LCLAT1: variants seen among roughly 807,000 people sequenced by gnomAD.
LCLAT1 encodes lysocardiolipin acyltransferase 1, also known as 1-AGP acyltransferase 8.
A neutral mutation model predicts 30.7 loss-of-function variants in LCLAT1; 11 were observed. That is an observed-to-expected ratio of 0.36 (90% CI 0.23 to 0.59). The LOEUF (loss-of-function observed/expected upper bound fraction) is 0.59, where lower values mean the gene tolerates loss of function less well. Among genes scored for constraint, LCLAT1 ranks in the 20% least tolerant of loss-of-function variants. The pLI, the probability that LCLAT1 is intolerant of heterozygous loss-of-function variation, is 0.77. For missense variants in LCLAT1, 402 were observed against 458.6 expected, an observed-to-expected ratio of 0.88 and a Z score of 1.13; for synonymous variants, 155 against 151.3, an observed-to-expected ratio of 1.02 and a Z score of -0.18.
At chr2:30,552,654 G>C in intron 3 of LCLAT1, 2 of 305,116 alleles carry the variant, frequency 6.6e-6, no homozygotes, top group South Asian at 5.3e-5. Flanking sequence ...TGTAATGTGA[G>C]TTCAGAAAAG....
At chr2:30,466,877 G>T (rs1682461085) in intron 1 of LCLAT1, among the ~76,000 whole-genome samples, 1 of 152,076 alleles carries the variant, frequency 6.6e-6, no homozygotes, top group South Asian at 2.1e-4. Context: ...AGGGTTGTTT[G>T]TTTTGAATTA....
At chr2:30,488,532 A>G (rs1192658830) in intron 1 of LCLAT1, among the ~76,000 whole-genome samples, 5 of 152,230 alleles carry the variant, frequency 3.3e-5, no homozygotes, top group East Asian at 1.9e-4. Flanking sequence ...AATGGTTTAT[A>G]TTCAAAACAG....
chr2:30,509,148 T>C (rs557292134), intron 1 of LCLAT1, among the ~76,000 whole-genome samples: 78 of 152,314 alleles, frequency 5.1e-4, no homozygotes, highest in African/African-American at 1.9e-3. Flanking sequence ...AAGTTGTTTA[T>C]CAGCTTAAGG....
chr2:30,459,753 GGT>G, intron 1 of LCLAT1: 8 of 1,479,488 alleles, frequency 5.4e-6, no homozygotes, highest in Non-Finnish European at 7.6e-6. Context: ...AGATGCTTGA[GGT>G]TTTTGTCTTG....
intron 5 of LCLAT1, among the ~76,000 whole-genome samples, chr2:30,585,199 G>T (rs187432145): frequency 6.6e-6 from 1 of 151,786 alleles, no homozygotes; most frequent in African/African-American, 2.4e-5. Flanking sequence ...CCTCTCAAGC[G>T]CTGTTCATTT....
chr2:30,602,939 T>C (rs781303101), intron 5 of LCLAT1, among the ~76,000 whole-genome samples: 1 of 152,156 alleles, frequency 6.6e-6, no homozygotes, highest in Non-Finnish European at 1.5e-5. Flanking sequence ...GGAACAGTAA[T>C]TTACAGCATG....
chr2:30,639,396 A>G (rs1451513133), intron 5 of LCLAT1, among the ~76,000 whole-genome samples: 1 of 39,776 alleles, frequency 2.5e-5, no homozygotes, highest in African/African-American at 1.3e-4. Context: ...AAGTGAAAAC[A>G]CTTTACCCCC....
intron 3 of LCLAT1, among the ~76,000 whole-genome samples, chr2:30,555,077 G>A (rs958565637): frequency 1.3e-5 from 2 of 152,064 alleles, no homozygotes; most frequent in African/African-American, 4.8e-5. Flanking sequence ...AAAACTATGG[G>A]TGAAGAGAAA....
chr2:30,467,562 A>G (rs1026356342), intron 1 of LCLAT1, among the ~76,000 whole-genome samples: 5 of 152,310 alleles, frequency 3.3e-5, no homozygotes, highest in African/African-American at 1.2e-4. Context: ...CAGCAGTGTA[A>G]AAGTGTTCCT....
At chr2:30,584,131 T>A (rs1666326903) in intron 5 of LCLAT1, among the ~76,000 whole-genome samples, 1 of 152,164 alleles carries the variant, frequency 6.6e-6, no homozygotes, top group Admixed American at 6.5e-5. Context: ...AGTGTTTGTT[T>A]TTATTTCTAT....
chr2:30,553,489 T>C (rs1018333109), intron 3 of LCLAT1, among the ~76,000 whole-genome samples: 2 of 152,198 alleles, frequency 1.3e-5, no homozygotes, highest in African/African-American at 4.8e-5. Flanking sequence ...AAATTCAGGT[T>C]AAAGACAGAA....
intron 5 of LCLAT1, among the ~76,000 whole-genome samples, chr2:30,573,713 C>T (rs1665880186): frequency 6.6e-6 from 1 of 152,160 alleles, no homozygotes; most frequent in South Asian, 2.1e-4. Flanking sequence ...TATATGAATG[C>T]TTTTCCTACT....
chr2:30,602,040 T>G (rs779989919), intron 5 of LCLAT1, among the ~76,000 whole-genome samples: 1 of 152,084 alleles, frequency 6.6e-6, no homozygotes, highest in South Asian at 2.1e-4. Flanking sequence ...TGACAGACTT[T>G]CCTTTTGTTA....
chr2:30,565,637 T>C (rs1665449723), intron 4 of LCLAT1, among the ~76,000 whole-genome samples: 1 of 152,228 alleles, frequency 6.6e-6, no homozygotes, highest in African/African-American at 2.4e-5. Flanking sequence ...AAACTTATTC[T>C]TTTTAATACA....
intron 1 of LCLAT1, among the ~76,000 whole-genome samples, chr2:30,499,751 A>G (rs891057567): frequency 1.3e-5 from 2 of 152,228 alleles, no homozygotes; most frequent in African/African-American, 4.8e-5. Context: ...TATCCTATAA[A>G]TAACTTTAAA....
chr2:30,452,700 T>G (rs1169169387), intron 1 of LCLAT1, among the ~76,000 whole-genome samples: 6 of 152,224 alleles, frequency 3.9e-5, no homozygotes, highest in Admixed American at 3.9e-4. Context: ...CTGTGTGGTC[T>G]TCTCCCTGTG....
chr2:30,504,203 TACATA>T lies in LCLAT1; in HGVS notation c.-4-21373_-4-21369del, dbSNP rs549099168. On this transcript the variant is annotated intron_variant, in intron 1 of 5. Transcript: ENST00000379509. ...AATATGCATTACATATATAACATAT[TACATA>T]ACATAACATATATTACATGTAACAT... is the stretch of plus-strand genomic sequence containing the variant. Among the ~76,000 whole-genome samples, 677 of 152,206 alleles carry T rather than the reference TACATA, an allele frequency of 4.4e-3. 4 individuals carry two copies. Among genetic ancestry groups the T allele is most frequent in the African/African-American group, 0.014 (583 of 41,524 alleles).
At chr2:30,572,072 G>A (rs1665803404) in intron 5 of LCLAT1, among the ~76,000 whole-genome samples, 1 of 152,194 alleles carries the variant, frequency 6.6e-6, no homozygotes, top group African/African-American at 2.4e-5. Flanking sequence ...CCGCATGTCA[G>A]AGACCTTTGA....
At chr2:30,467,380 A>C (rs1682500935) in intron 1 of LCLAT1, among the ~76,000 whole-genome samples, 1 of 152,244 alleles carries the variant, frequency 6.6e-6, no homozygotes, top group Non-Finnish European at 1.5e-5. Context: ...TGCTATTGTG[A>C]ATAGTGCCAC....
Sources: gnomAD v4.1 joint callset for allele counts (sites outside exome capture counted in the v4.1 genomes callset) on GRCh38, gnomAD v4.1.1 for gene constraint, MANE v1.5 for transcripts, NCBI Gene and HGNC (gene_info 2026-07-23, HGNC 2026-07-21) for gene names.